CCDC102B: variants seen among roughly 807,000 people sequenced by gnomAD.
CCDC102B encodes the protein coiled-coil domain-containing protein 102B.
A neutral mutation model predicts 57.4 loss-of-function variants in CCDC102B; 75 were observed. That is an observed-to-expected ratio of 1.31 (90% CI 1.08 to 1.58). The LOEUF is 1.58. Among genes scored for constraint, CCDC102B ranks in the 40% most tolerant of loss-of-function variants. CCDC102B has a pLI of 0.00. For synonymous variants in CCDC102B, 206 were observed against 201.9 expected (o/e 1.02, Z -0.17); for missense variants, 636 against 582.6 (o/e 1.09, Z -0.94).
chr18:69,027,579 A>T (rs1483293839), intron 7 of CCDC102B, among the ~76,000 whole-genome samples: 3 of 152,118 alleles, frequency 2.0e-5, no homozygotes, highest in African/African-American at 7.2e-5. Context: ...TAAAGCTCTG[A>T]CAGTTTGTTT....
chr18:69,056,452 G>A (rs1432876790), downstream of CCDC102B, among the ~76,000 whole-genome samples: 1 of 151,964 alleles, frequency 6.6e-6, no homozygotes, highest in Non-Finnish European at 1.5e-5. Context: ...TAGTTAAATG[G>A]CTGCTGGTTC....
intron 7 of CCDC102B, among the ~76,000 whole-genome samples, chr18:69,036,473 AAT>A (rs1289449236): frequency 2.0e-5 from 3 of 152,130 alleles, no homozygotes; most frequent in Admixed American, 6.6e-5. Flanking sequence ...GTAAATATTG[AAT>A]TGGATTCATC....
intron 6 of CCDC102B, among the ~76,000 whole-genome samples, chr18:68,970,016 TAA>T (rs1240585735): frequency 6.6e-6 from 1 of 152,090 alleles, no homozygotes; most frequent in African/African-American, 2.4e-5. Context: ...TTACCTCATG[TAA>T]ATCCATCAGC....
chr18:68,808,518 G>T (rs1255672657), intron 1 of CCDC102B, among the ~76,000 whole-genome samples: 2 of 133,640 alleles, frequency 1.5e-5, no homozygotes, highest in Non-Finnish European at 3.1e-5. Flanking sequence ...CGCTCTTTCG[G>T]CCAGGCCGGA....
At chr18:68,852,142 C>A (rs945141577) in intron 4 of CCDC102B, among the ~76,000 whole-genome samples, 1 of 150,936 alleles carries the variant, frequency 6.6e-6, no homozygotes, top group Non-Finnish European at 1.5e-5. Flanking sequence ...CCCTCTCCCC[C>A]ACTATGTACA....
chr18:68,911,651 C>A (rs55666345), intron 6 of CCDC102B, among the ~76,000 whole-genome samples: 34,186 of 141,262 alleles, frequency 0.24, 6,414 homozygotes, highest in African/African-American at 0.56. Context: ...ACTCGAGAGG[C>A]TGAGGCAGGA....
chr18:68,740,704 C>T (rs554758808), intron 2 of CCDC102B, among the ~76,000 whole-genome samples: 9 of 152,144 alleles, frequency 5.9e-5, no homozygotes, highest in Non-Finnish European at 1.2e-4. Context: ...GGGACGGGTA[C>T]ATCTGTCTAC....
chr18:68,865,715 T>A (rs959858598), intron 4 of CCDC102B, among the ~76,000 whole-genome samples: 1 of 152,184 alleles, frequency 6.6e-6, no homozygotes, highest in Non-Finnish European at 1.5e-5. Flanking sequence ...AACAGAGAGA[T>A]ATGTTGAAAT....
chr18:69,022,223 A>ATATATATATATATAT (rs1160074383), intron 7 of CCDC102B, among the ~76,000 whole-genome samples: 3 of 100,582 alleles, frequency 3.0e-5, no homozygotes, highest in African/African-American at 1.3e-4. Context: ...ATATATATAT[A>ATATATATATATATAT]ACACACACAC....
intron 1 of CCDC102B, among the ~76,000 whole-genome samples, chr18:68,828,785 T>C (rs2037020283): frequency 6.6e-6 from 1 of 151,708 alleles, no homozygotes; most frequent in Admixed American, 6.6e-5. Flanking sequence ...TGGAATATAT[T>C]TACATTATGT....
At chr18:68,894,693 A>G (rs2040185422) in intron 5 of CCDC102B, among the ~76,000 whole-genome samples, 1 of 151,840 alleles carries the variant, frequency 6.6e-6, no homozygotes, top group South Asian at 2.1e-4. Context: ...TAATTTTATA[A>G]GACTTTTACT....
intron 7 of CCDC102B, among the ~76,000 whole-genome samples, chr18:69,020,824 A>T (rs541123463): frequency 2.0e-5 from 3 of 152,364 alleles, no homozygotes; most frequent in African/African-American, 7.2e-5. Flanking sequence ...AGAGGTTCTT[A>T]TCATGGTTTA....
chr18:69,022,222 T>TATATATATATATAA lies in CCDC102B; in HGVS notation c.1434+11119_1434+11120insTATATATATATAAA, dbSNP rs1395799223. Among the ~76,000 whole-genome samples, 682 of 94,824 alleles carry TATATATATATATAA rather than the reference T, an allele frequency of 7.2e-3. 4 individuals are homozygous for TATATATATATATAA. The highest frequency in any genetic ancestry group is 8.5e-3 in the Non-Finnish European group (385 of 45,472). 62.2% of individuals were successfully genotyped at this position (94,824 alleles called of 152,430 possible). ...ATATATATATATATATATATATATA[T>TATATATATATATAA]AACACACACACACGCGTGCGTGTGC... On this transcript the variant is annotated intron_variant, in intron 7 of 7. Coordinates refer to ENST00000360242, the MANE Select transcript of CCDC102B (RefSeq NM_024781.3).
chr18:68,846,571 T>C (rs2144818479), intron 4 of CCDC102B, 150 bp downstream of exon 4: 1 of 456,410 alleles, frequency 2.2e-6, no homozygotes, highest in Non-Finnish European at 3.9e-6. Flanking sequence ...TTGAAATCAC[T>C]TGTCAATAGT....
intron 6 of CCDC102B, among the ~76,000 whole-genome samples, chr18:69,008,499 T>C (rs2051413452): frequency 6.6e-6 from 1 of 152,196 alleles, no homozygotes; most frequent in South Asian, 2.1e-4. Flanking sequence ...TTGACTCCTA[T>C]GGAATGAAGG....
At chr18:68,765,374 AAAGAAAAG>A (rs1229337826) in intron 2 of CCDC102B, among the ~76,000 whole-genome samples, 40 of 141,930 alleles carry the variant, frequency 2.8e-4, no homozygotes, top group African/African-American at 9.6e-4. Flanking sequence ...AGAAAGAAAG[AAAGAAAAG>A]AAAGAAAGAA....
intron 2 of CCDC102B, among the ~76,000 whole-genome samples, chr18:68,742,736 G>A (rs1024625895): frequency 6.6e-6 from 1 of 152,050 alleles, no homozygotes; most frequent in Non-Finnish European, 1.5e-5. Flanking sequence ...CTAACCACTG[G>A]GTAATAAGAA....
chr18:68,894,284 CATT>C (rs1466977374), intron 5 of CCDC102B, among the ~76,000 whole-genome samples: 1 of 151,942 alleles, frequency 6.6e-6, no homozygotes, highest in Non-Finnish European at 1.5e-5. Context: ...AAATTGATGT[CATT>C]AAGTGAACAA....
At chr18:69,013,329 G>GT (rs2051571107) in intron 7 of CCDC102B, among the ~76,000 whole-genome samples, 1 of 151,980 alleles carries the variant, frequency 6.6e-6, no homozygotes, top group Non-Finnish European at 1.5e-5. Flanking sequence ...GATAAATAAT[G>GT]TGTACACATG....
Sources: gnomAD v4.1 joint callset for allele counts (sites outside exome capture counted in the v4.1 genomes callset) on GRCh38, gnomAD v4.1.1 for gene constraint, MANE v1.5 for transcripts, NCBI Gene and HGNC (gene_info 2026-07-23, HGNC 2026-07-21) for gene names.